The following FARP1 variants were observed in gnomAD, a reference collection of about 807,000 sequenced individuals.
The protein encoded by FARP1 is FERM, ARHGEF and pleckstrin domain-containing protein 1.
FARP1 carries 52 observed loss-of-function variants against 128.8 expected under a neutral mutation model. That is an observed-to-expected ratio of 0.40 (90% confidence interval 0.32 to 0.51). FARP1 has a LOEUF of 0.51. FARP1 is among the 20% of genes least tolerant of loss of function. FARP1 has a pLI of 0.45. For synonymous variants in FARP1, 580 were observed against 551.8 expected, an observed-to-expected ratio of 1.05 and a Z score of -0.72; for missense variants, 1,333 against 1,367.9, an observed-to-expected ratio of 0.97 and a Z score of 0.40.
chr13:98,238,344 T>C (rs1882558370), intron 2 of FARP1, among the ~76,000 whole-genome samples: 6 of 152,224 alleles, frequency 3.9e-5, no homozygotes, highest in Admixed American at 3.9e-4. Flanking sequence ...TTCCACTTAG[T>C]AAACAGATTT....
intron 1 of FARP1, among the ~76,000 whole-genome samples, chr13:98,183,329 C>G (rs1400731382): frequency 6.6e-6 from 1 of 152,108 alleles, no homozygotes; most frequent in Non-Finnish European, 1.5e-5. Context: ...CATTTAAAAT[C>G]TCTTAGATTG....
intron 2 of FARP1, among the ~76,000 whole-genome samples, chr13:98,303,557 C>T (rs185917938): frequency 6.6e-6 from 1 of 152,264 alleles, no homozygotes; most frequent in African/African-American, 2.4e-5. Flanking sequence ...AGAGTTGGAA[C>T]TTGTAAATTA....
rs1323327116 is a variant in FARP1 at position 98,450,482 on chromosome 13, C to G, written c.*2165C>G. The G allele has an allele frequency of 1.3e-5, 2 of 152,266 alleles. No individual in the cohort carries two copies. The highest frequency in any genetic ancestry group is 4.8e-5 in the African/African-American group (2 of 41,446). The allele number at this position is 152,266 out of a possible 1,614,324, so 9.4% of individuals were successfully genotyped here. A position where few individuals can be genotyped will look rare whatever the true frequency, so the allele number is the denominator to read the frequency against. On this transcript the variant is annotated 3_prime_UTR_variant, in exon 27 of 27. Coordinates refer to ENST00000319562, the MANE Select transcript of FARP1 (RefSeq NM_005766.4). ...AGATGCACTTCCAAGAAAATCAGAA[C>G]CCAGCAAGAAGTGGCCAGTGCACCC...
intron 1 of FARP1, among the ~76,000 whole-genome samples, chr13:98,171,274 T>C (rs1374341512): frequency 6.6e-6 from 1 of 152,188 alleles, no homozygotes; most frequent in Admixed American, 6.5e-5. Flanking sequence ...GGTAATAAAC[T>C]TCTTTGGGGT....
At chr13:98,280,595 G>A (rs1444813838) in intron 2 of FARP1, among the ~76,000 whole-genome samples, 2 of 152,084 alleles carry the variant, frequency 1.3e-5, no homozygotes, top group Non-Finnish European at 2.9e-5. Flanking sequence ...TGTGGTAAAC[G>A]AGCAACTTGA....
chr13:98,246,801 C>T (rs1594317784), intron 2 of FARP1, among the ~76,000 whole-genome samples: 1 of 152,174 alleles, frequency 6.6e-6, no homozygotes, highest in East Asian at 1.9e-4. Context: ...ACCCAGAGCC[C>T]TGAAATGGAA....
chr13:98,421,370 G>T (rs1198025046), intron 16 of FARP1, among the ~76,000 whole-genome samples: 1 of 152,170 alleles, frequency 6.6e-6, no homozygotes, highest in Non-Finnish European at 1.5e-5. Flanking sequence ...ATTTTCTCTT[G>T]GGTAGGGGTG....
At chr13:98,212,494 G>T (rs1880785101) in intron 1 of FARP1, among the ~76,000 whole-genome samples, 2 of 152,130 alleles carry the variant, frequency 1.3e-5, no homozygotes, top group Admixed American at 1.3e-4. Flanking sequence ...GGAGGGAGAA[G>T]CTGAGGGTGT....
intron 3 of FARP1, among the ~76,000 whole-genome samples, chr13:98,357,718 T>C (rs1002688334): frequency 2.0e-5 from 3 of 152,240 alleles, no homozygotes; most frequent in African/African-American, 7.2e-5. Context: ...TAGTTTTTAC[T>C]GATTTTTGTT....
At chr13:98,297,791 A>G (rs375177302) in intron 2 of FARP1, among the ~76,000 whole-genome samples, 1 of 152,184 alleles carries the variant, frequency 6.6e-6, no homozygotes, top group Admixed American at 6.5e-5. Context: ...CACCCCCACC[A>G]ATAGGAATGG....
intron 2 of FARP1, among the ~76,000 whole-genome samples, chr13:98,224,537 AAAAAAAAAG>A: frequency 7.7e-5 from 2 of 26,042 alleles, no homozygotes; most frequent in Non-Finnish European, 2.3e-4. Flanking sequence ...AAAAAAAAAA[AAAAAAAAAG>A]AAAAAAAAAA....
intron 1 of FARP1, among the ~76,000 whole-genome samples, chr13:98,172,512 C>G (rs1039524046): frequency 3.9e-5 from 6 of 152,112 alleles, no homozygotes; most frequent in Admixed American, 1.3e-4. Context: ...CCTTAAAATG[C>G]TCGGCTATGA....
chr13:98,428,580 G>C (rs1353701220), intron 17 of FARP1, among the ~76,000 whole-genome samples: 1 of 152,140 alleles, frequency 6.6e-6, no homozygotes, highest in Non-Finnish European at 1.5e-5. Flanking sequence ...CTATGGTTTG[G>C]AGAATGCAGT....
At chr13:98,278,966 C>T (rs1314259189) in intron 2 of FARP1, among the ~76,000 whole-genome samples, 7 of 151,592 alleles carry the variant, frequency 4.6e-5, no homozygotes, top group Admixed American at 2.6e-4. Context: ...GCTGGGACTA[C>T]AGGCACCTGC....
At chr13:98,412,155 A>C in intron 16 of FARP1, 121 bp downstream of exon 16, 1 of 896,036 alleles carries the variant, frequency 1.1e-6, no homozygotes, top group African/African-American at 1.7e-5. Context: ...CTGGCTTACA[A>C]CAAGTCAGCC....
rs73559025 is a variant in FARP1 at position 98,318,837 on chromosome 13, C to T, written c.172-24925C>T. ...CCTCACTTGTCTGTGTGCCTGGTGGCGTTTGTATCTTTCTGGAAAGTATGC... is the reference window on the plus strand; with the variant it reads ...CCTCACTTGTCTGTGTGCCTGGTGGTGTTTGTATCTTTCTGGAAAGTATGC... On this transcript the variant is annotated intron_variant, in intron 2 of 26. Coordinates refer to ENST00000319562, the MANE Select transcript of FARP1 (RefSeq NM_005766.4). Among the ~76,000 whole-genome samples, 666 of 151,978 alleles carry T rather than the reference C, an allele frequency of 4.4e-3. 6 individuals are homozygous for T. Among genetic ancestry groups the T allele is most frequent in the African/African-American group, 0.015 (628 of 41,442 alleles).
chr13:98,180,864 A>G (rs1878455701), intron 1 of FARP1, among the ~76,000 whole-genome samples: 1 of 152,010 alleles, frequency 6.6e-6, no homozygotes, highest in South Asian at 2.1e-4. Context: ...GTTCCTTAGT[A>G]TTTCTCCATA....
intron 2 of FARP1, among the ~76,000 whole-genome samples, chr13:98,334,919 A>G (rs1887678060): frequency 1.3e-5 from 2 of 152,182 alleles, no homozygotes; most frequent in African/African-American, 2.4e-5. Flanking sequence ...ATCAATTTCT[A>G]TTGTTTAAGC....
intron 2 of FARP1, among the ~76,000 whole-genome samples, chr13:98,233,409 A>G (rs770256288): frequency 2.6e-5 from 4 of 152,104 alleles, no homozygotes; most frequent in Non-Finnish European, 5.9e-5. Flanking sequence ...ACTCTCCAGA[A>G]TGTGTGCTCT....
Sources: allele counts gnomAD v4.1 joint callset (sites outside exome capture counted in the v4.1 genomes callset), GRCh38; gene constraint gnomAD v4.1.1; transcripts MANE v1.5; gene names NCBI Gene and HGNC (gene_info 2026-07-23, HGNC 2026-07-21).